NBN: variants seen among roughly 807,000 people sequenced by gnomAD.
The protein encoded by NBN is Nijmegen breakage syndrome 1 (nibrin).
NBN carries 88 observed loss-of-function variants against 90.8 expected under a neutral mutation model. The observed-to-expected ratio is 0.97, with a 90% CI of 0.82 to 1.16. The LOEUF is 1.16. Among genes scored for constraint, NBN ranks in the 50% most tolerant of loss-of-function variants. The probability of loss-of-function intolerance (pLI) is 0.00; values close to 1 mark genes in which losing one functional copy is unlikely to be tolerated. For synonymous variants in NBN, 328 were observed against 295.1 expected (o/e 1.11, Z -1.14); for missense variants, 894 against 869.6 (o/e 1.03, Z -0.35).
chr8:89,945,064 C>T (rs140554480), intron 13 of NBN, among the ~76,000 whole-genome samples: 3 of 152,310 alleles, frequency 2.0e-5, no homozygotes, highest in African/African-American at 7.2e-5. Context: ...ATTCATATTA[C>T]TTCATACTTC....
chr8:89,938,597 G>T (rs1809796066), intron 14 of NBN, among the ~76,000 whole-genome samples: 1 of 152,100 alleles, frequency 6.6e-6, no homozygotes, highest in African/African-American at 2.4e-5. Context: ...GCAGAAGATA[G>T]GGGAACTCAG....
intron 9 of NBN, 127 bp downstream of exon 9, chr8:89,958,598 C>T (rs1563538086): frequency 1.7e-6 from 2 of 1,149,842 alleles, no homozygotes; most frequent in Non-Finnish European, 2.5e-6. Context: ...ATATCATTTT[C>T]CCTGGTATCC....
Position 89,953,519 on chromosome 8 carries a change from T to C in NBN, c.1570A>G (p.Thr524Ala), listed in dbSNP as rs1292640945. ...VDTNSDNNLF[T>A]DTDLKSIVKN... ...ACAATAGATTTTAAATCTGTATCTG[T>C]AAATAAGTTATTGTCTGAGTTTGTG... Residue 524 changes from threonine (T) to alanine (A), a missense_variant, in exon 11 of 16, where the codon ACA (threonine) becomes GCA (alanine). Coordinates refer to ENST00000265433, the MANE Select transcript of NBN (RefSeq NM_002485.5). The C allele has an allele frequency of 2.5e-6, 4 of 1,613,828 alleles. No individual in the cohort carries two copies.
rs749272832 is a variant in NBN, at chr8:89,980,858, C to T, written c.356G>A (p.Cys119Tyr). 31 of 1,612,322 alleles carry T rather than the reference C, an allele frequency of 1.9e-5. No homozygotes were observed. The South Asian group carries it at 3.3e-4, about 17-fold the overall frequency. ...AGCAGTTTTCCCAGAGACATCTAAA[C>T]AAGAAGAGCATGCAACCAAAGGCTC... ...EYEPLVACSSCLDVSGKTALN... is the reference protein window; with the variant it reads ...EYEPLVACSSYLDVSGKTALN... Residue 119 changes from cysteine (C) to tyrosine (Y), a missense_variant, in exon 4 of 16, where the codon TGT (cysteine) becomes TAT (tyrosine). Cys to Tyr is a radical substitution (Grantham distance 194). Transcript: ENST00000265433.
At chr8:89,984,489 G>A in intron 1 of NBN, 36 bp downstream of exon 1, 2 of 1,597,166 alleles carry the variant, frequency 1.3e-6, no homozygotes, top group Non-Finnish European at 1.7e-6. Flanking sequence ...GTCGCTACCG[G>A]GAAAATAGGC....
chr8:89,976,233 C>T (rs913219386), intron 5 of NBN, among the ~76,000 whole-genome samples: 1 of 152,154 alleles, frequency 6.6e-6, no homozygotes, highest in Non-Finnish European at 1.5e-5. Context: ...CTTGGCATCC[C>T]GAAGTGCTGG....
chr8:89,954,192 A>G (rs1292866264), intron 10 of NBN, among the ~76,000 whole-genome samples: 1 of 152,148 alleles, frequency 6.6e-6, no homozygotes, highest in Non-Finnish European at 1.5e-5. Flanking sequence ...AGTTTCCTAT[A>G]CAATACTGTA....
chr8:89,969,888 T>C (rs1306621288), intron 7 of NBN, among the ~76,000 whole-genome samples: 2 of 151,668 alleles, frequency 1.3e-5, no homozygotes, highest in Non-Finnish European at 2.9e-5. Context: ...AAGGCAGAGG[T>C]TGCAGTGAGC....
At chr8:89,947,245 C>T (rs1027245453) in intron 12 of NBN, among the ~76,000 whole-genome samples, 13 of 152,124 alleles carry the variant, frequency 8.5e-5, no homozygotes, top group Admixed American at 7.9e-4. Context: ...GTGAAAATGA[C>T]TTGTTCAAGG....
chr8:89,970,445 TCAA>T lies in NBN; in HGVS notation c.812_814del (p.Val271del). The stretch of plus-strand genomic sequence containing the variant: ...GGTCTGTGAGTTTGTTATTCCTGTA[TCAA>T]CAACACACGTTCCCGGAGCCAAAAA... On this transcript the variant is annotated inframe_deletion, in exon 7 of 16. Transcript: ENST00000265433. 1 of 1,614,068 alleles carries T rather than the reference TCAA, an allele frequency of 6.2e-7. No individual in the cohort carries two copies. The highest frequency in any genetic ancestry group is 8.5e-7 in the Non-Finnish European group (1 of 1,179,938).
chr8:89,978,761 C>T (rs1166907825), intron 4 of NBN, among the ~76,000 whole-genome samples: 1 of 151,868 alleles, frequency 6.6e-6, no homozygotes, highest in Non-Finnish European at 1.5e-5. Context: ...AATTGTCTTT[C>T]AAAAAGATTG....
rs1185381699 is a variant in NBN, at chr8:89,935,090, C to T, written c.*492G>A. 4.3e-6 allele frequency: 1 copy of T among 233,638 alleles called. No homozygotes were observed. Among genetic ancestry groups the T allele is most frequent in the African/African-American group, 2.2e-5 (1 of 45,260 alleles). 14.5% of individuals were successfully genotyped at this position (233,638 alleles called of 1,614,324 possible). On this transcript the variant is annotated 3_prime_UTR_variant, in exon 16 of 16. Transcript: ENST00000265433. Reference sequence around the variant, plus strand: ...ATATTAAAAACATTATATTGATATTCCTATAATTTTTAATCTACTAAGTAA... The same window carrying T: ...ATATTAAAAACATTATATTGATATTTCTATAATTTTTAATCTACTAAGTAA...
intron 8 of NBN, among the ~76,000 whole-genome samples, chr8:89,959,922 A>G (rs965843030): frequency 6.6e-6 from 1 of 152,228 alleles, no homozygotes; most frequent in African/African-American, 2.4e-5. Context: ...TGCTTGGAAC[A>G]TAGTAAGCAC....
Position 89,937,031 on chromosome 8 carries a change from A to G in NBN, c.2229T>C (p.Leu743=). ...HAKEESLADD[L]FRYNPYLKRR... Reference sequence around the variant, plus strand: ...AAAGGTGAATCAAACTTTACCTAAAAAGATCATCAGCAAGAGACTCTTCTT... The same window carrying G: ...AAAGGTGAATCAAACTTTACCTAAAGAGATCATCAGCAAGAGACTCTTCTT... The change falls in exon 15 of 16, where the codon CTT becomes CTC. Residue 743 remains leucine (L), a synonymous_variant. Transcript: ENST00000265433. 6.2e-7 allele frequency: 1 copy of G among 1,610,370 alleles called. No individual in the cohort carries two copies. Among genetic ancestry groups the G allele is most frequent in the Non-Finnish European group, 8.5e-7 (1 of 1,177,162 alleles).
rs587781620 is a variant in NBN, at chr8:89,981,526, G to A, written c.172-3C>T. 25 of 1,612,576 alleles carry A rather than the reference G, an allele frequency of 1.6e-5. No homozygotes were observed. Among genetic ancestry groups the A allele is most frequent in the Non-Finnish European group, 1.7e-5 (20 of 1,178,972 alleles). On this transcript the variant is annotated splice_polypyrimidine_tract_variant and splice_region_variant and intron_variant, in intron 2 of 15. Transcript: ENST00000265433. The stretch of plus-strand genomic sequence containing the variant: ...ACAGGGATTTCATCTGTTTGACTCT[G>A]AAAAGTTAGCAAATAATTTAAAGTC...
chr8:89,983,581 G>A (rs1375862171), intron 1 of NBN, among the ~76,000 whole-genome samples: 1 of 152,190 alleles, frequency 6.6e-6, no homozygotes, highest in Non-Finnish European at 1.5e-5. Context: ...TAAGATGCAC[G>A]TGTACATTTT....
intron 8 of NBN, among the ~76,000 whole-genome samples, chr8:89,960,764 A>G (rs1172829997): frequency 6.6e-6 from 1 of 152,194 alleles, no homozygotes; most frequent in East Asian, 1.9e-4. Flanking sequence ...GGTCTCATCT[A>G]TTCACCTCTT....
At chr8:89,937,949 T>C (rs997173570) in intron 14 of NBN, among the ~76,000 whole-genome samples, 3 of 152,208 alleles carry the variant, frequency 2.0e-5, no homozygotes, top group African/African-American at 7.2e-5. Flanking sequence ...TTTTTCCCTC[T>C]TCCCACATGT....
At chr8:89,967,522 G>A (rs888742276) in intron 7 of NBN, among the ~76,000 whole-genome samples, 2 of 152,200 alleles carry the variant, frequency 1.3e-5, no homozygotes. Flanking sequence ...TCAATGATGA[G>A]CATGTGTCAT....
Sources: allele counts gnomAD v4.1 joint callset (sites outside exome capture counted in the v4.1 genomes callset), GRCh38; gene constraint gnomAD v4.1.1; transcripts MANE v1.5; gene names NCBI Gene and HGNC (gene_info 2026-07-23, HGNC 2026-07-21).